Variants in ZNF214 observed in about 807,000 individuals in gnomAD.
ZNF214 encodes the protein zinc finger protein 214, also known as BWSCR2-associated zinc finger protein 1.
Under a neutral mutation model 53.9 loss-of-function variants are expected in ZNF214, and 43 were observed. The observed-to-expected ratio is 0.80, with a 90% CI of 0.63 to 1.03. The LOEUF (loss-of-function observed/expected upper bound fraction) is 1.03, where lower values mean the gene tolerates loss of function less well. Among genes scored for constraint, ZNF214 ranks in the 50% least tolerant of loss-of-function variants. ZNF214 has a pLI of 0.00. For missense variants in ZNF214, 724 were observed against 719.1 expected (o/e 1.01, Z -0.08); for synonymous variants, 217 against 229.5 (o/e 0.95, Z 0.49).
chr11:7,002,293 C>G (rs1294788479), intron 2 of ZNF214, among the ~76,000 whole-genome samples: 1 of 151,910 alleles, frequency 6.6e-6, no homozygotes. Flanking sequence ...CAACCACAAC[C>G]AAATCCTCCA....
rs200575509 is a variant in ZNF214 at position 7,000,045 on chromosome 11, C to G, written c.1638G>C (p.Arg546Ser). The change falls in exon 3 of 3, where the codon AGG (arginine) becomes AGC (serine). Residue 546 changes from arginine (R) to serine (S), a missense_variant. Transcript: ENST00000278314. ...GATAAGGCTTCTCTCCTGTATGGAC[C>G]CTCTGATGAATGTGAAGATTAGAAC... The part of the protein sequence containing the change: ...SHSSNLHIHQ[R>S]VHTGEKPYQC... 1 of 1,612,338 alleles carries G rather than the reference C, an allele frequency of 6.2e-7. No homozygotes were observed. The highest frequency in any genetic ancestry group is 2.2e-5 in the East Asian group (1 of 44,736).
intron 1 of ZNF214, among the ~76,000 whole-genome samples, chr11:7,015,029 C>T (rs1053325399): frequency 2.0e-5 from 3 of 150,286 alleles, no homozygotes; most frequent in Non-Finnish European, 4.4e-5. Flanking sequence ...TAATAAAGTT[C>T]AAATTACATA....
At position 6,997,165 on chromosome 11, in the gene ZNF214, T is replaced by G. The variant is rs1270946268; in HGVS notation, c.*2697A>C. Among the ~76,000 whole-genome samples the G allele has an allele frequency of 6.6e-6, 1 of 151,928 alleles. No individual in the cohort carries two copies. The highest frequency in any genetic ancestry group is 1.5e-5 in the Non-Finnish European group (1 of 67,864). The stretch of plus-strand genomic sequence containing the variant: ...AAACCAGATTTTTTGACAATTACAT[T>G]TCCTGAATATTCCAAGAATTTAGAA... On this transcript the variant is annotated 3_prime_UTR_variant, in exon 3 of 3. Transcript: ENST00000278314.
intron 1 of ZNF214, among the ~76,000 whole-genome samples, chr11:7,005,109 A>G (rs981086493): frequency 6.6e-6 from 1 of 150,884 alleles, no homozygotes; most frequent in Non-Finnish European, 1.5e-5. Context: ...TTTCTATTGT[A>G]ATATTTATAT....
rs1190073308 is a variant in ZNF214, at chr11:7,020,337, A to C, written c.-285T>G. On this transcript the variant is annotated 5_prime_UTR_variant, in exon 1 of 3. Coordinates refer to ENST00000278314, the MANE Select transcript of ZNF214 (RefSeq NM_013249.4). ...AATGGCCGCAGCCCGGCTGGACCGA[A>C]ACGGAAGTCCCAGGTCTTGGAGTAG... 1 of 152,242 alleles carries C rather than the reference A, an allele frequency of 6.6e-6. No individual in the cohort carries two copies. The highest frequency in any genetic ancestry group is 1.5e-5 in the Non-Finnish European group (1 of 68,150). The allele number at this position is 152,242 out of a possible 1,614,324, so 9.4% of individuals were successfully genotyped here. A position where few individuals can be genotyped will look rare whatever the true frequency, so the allele number is the denominator to read the frequency against.
rs1237315623 is a variant in ZNF214 at position 7,001,539 on chromosome 11, G to T, written c.144C>A (p.Ser48Arg). The T allele has an allele frequency of 6.2e-7, 1 of 1,600,720 alleles. No individual in the cohort carries two copies. Among genetic ancestry groups the T allele is most frequent in the Admixed American group, 1.7e-5 (1 of 57,858 alleles). ...NVMSVENWNE[S>R]YKSQEEKFRY... ...TGAATTTTTCTTCTTGGGATTTGTA[G>T]CTCTCATTCCAGTTTTCTAGAAAAA... Residue 48 changes from serine to arginine, a missense_variant, in exon 3 of 3, where the codon AGC becomes AGA. Ser to Arg is a moderately radical substitution (Grantham distance 110, BLOSUM62 -1). Transcript: ENST00000278314.
Position 6,999,960 on chromosome 11 carries a change from C to T in ZNF214, c.1723G>A (p.Val575Ile). The change falls in exon 3 of 3, where the codon GTC (valine) becomes ATC (isoleucine). Residue 575 changes from valine to isoleucine, a missense_variant. Coordinates refer to ENST00000278314, the MANE Select transcript of ZNF214 (RefSeq NM_013249.4). ...HSSALRIHQR[V>I]HAGEKPYKCR... The stretch of plus-strand genomic sequence containing the variant: ...TTGTAAGGTTTCTCTCCTGCATGGA[C>T]TCTTTGATGAATTCGAAGAGCTGAG... The T allele has an allele frequency of 6.2e-7, 1 of 1,613,180 alleles. No individual in the cohort carries two copies. Among genetic ancestry groups the T allele is most frequent in the Non-Finnish European group, 8.5e-7 (1 of 1,179,482 alleles).
intron 1 of ZNF214, among the ~76,000 whole-genome samples, chr11:7,005,432 G>A (rs1490895710): frequency 6.6e-6 from 1 of 151,980 alleles, no homozygotes; most frequent in Non-Finnish European, 1.5e-5. Context: ...CTAAAATTGA[G>A]TTTTAAAATA....
chr11:7,018,495 C>CTTTTTTTTTTTTTTTTTT (rs55641448), intron 1 of ZNF214, among the ~76,000 whole-genome samples: 4 of 61,876 alleles, frequency 6.5e-5, no homozygotes, highest in Non-Finnish European at 8.8e-5. Flanking sequence ...AATGTTAAGA[C>CTTTTTTTTTTTTTTTTTT]TTTTTTTTTT....
chr11:7,008,910 A>C (rs4757982), intron 1 of ZNF214, among the ~76,000 whole-genome samples: 87,298 of 151,548 alleles, frequency 0.58, 26,062 homozygotes, highest in East Asian at 0.74. Flanking sequence ...CAAGAATTAC[A>C]AAGCACTGCT....
intron 1 of ZNF214, chr11:7,019,655 T>G (rs1309644573): frequency 6.6e-6 from 1 of 152,192 alleles, no homozygotes; most frequent in Admixed American, 6.5e-5. Context: ...ACCAAACTTA[T>G]AGATCTCCAA....
At chr11:7,018,637 G>T (rs1416312599) in intron 1 of ZNF214, among the ~76,000 whole-genome samples, 3 of 150,946 alleles carry the variant, frequency 2.0e-5, no homozygotes, top group Non-Finnish European at 4.4e-5. Flanking sequence ...GAGTAGCTGG[G>T]ATTACAGGTG....
Position 6,997,740 on chromosome 11 carries a change from A to T in ZNF214, c.*2122T>A, listed in dbSNP as rs1851220873. On this transcript the variant is annotated 3_prime_UTR_variant, in exon 3 of 3. Transcript: ENST00000278314. ...AACAGAAATGACCAGTTAAATTTGA[A>T]TTTCAAATGTATGAAATTTTAGTGT... Among the ~76,000 whole-genome samples, 1 of 151,858 alleles carries T rather than the reference A, an allele frequency of 6.6e-6. No individual in the cohort carries two copies. The highest frequency in any genetic ancestry group is 1.5e-5 in the Non-Finnish European group (1 of 67,870).
At chr11:7,015,681 CTT>C (rs1432081841) in intron 1 of ZNF214, 6 of 152,138 alleles carry the variant, frequency 3.9e-5, no homozygotes, top group Admixed American at 3.3e-4. Flanking sequence ...TCTAACTAAA[CTT>C]ATCTCTATTT....
intron 1 of ZNF214, among the ~76,000 whole-genome samples, chr11:7,010,637 TA>T (rs34849852): frequency 0.61 from 78,358 of 128,212 alleles, 23,110 homozygotes; most frequent in East Asian, 0.74. Flanking sequence ...CATCCCCCAT[TA>T]AAAAAAAAAA....
intron 1 of ZNF214, among the ~76,000 whole-genome samples, chr11:7,013,913 T>C (rs1288975371): frequency 6.6e-6 from 1 of 152,222 alleles, no homozygotes; most frequent in Non-Finnish European, 1.5e-5. Context: ...AGCCATATGA[T>C]TATTGTAATG....
chr11:7,016,956 T>C (rs1026799067), intron 1 of ZNF214, among the ~76,000 whole-genome samples: 11 of 152,144 alleles, frequency 7.2e-5, no homozygotes, highest in African/African-American at 2.2e-4. Flanking sequence ...TTAAAACTTA[T>C]ATAAACAAGT....
rs1177872791 is a variant in ZNF214 at position 7,000,917 on chromosome 11, A to G, written c.766T>C (p.Phe256Leu). Reference protein sequence around the residue: ...LCQCSICKACFSQRSDLYRHP... With the variant: ...LCQCSICKACLSQRSDLYRHP... Reference sequence around the variant, plus strand: ...CTATACAAGTCTGATCTCTGAGAGAAGCATGCTTTACAGATGGAGCATTGA... The same window carrying G: ...CTATACAAGTCTGATCTCTGAGAGAGGCATGCTTTACAGATGGAGCATTGA... The change falls in exon 3 of 3, where the codon TTC becomes CTC. Residue 256 changes from phenylalanine to leucine, a missense_variant. Coordinates refer to ENST00000278314, the MANE Select transcript of ZNF214 (RefSeq NM_013249.4). 6.2e-7 allele frequency: 1 copy of G among 1,613,268 alleles called. No homozygotes were observed. Among genetic ancestry groups the G allele is most frequent in the Admixed American group, 1.7e-5 (1 of 59,904 alleles).
Position 7,001,236 on chromosome 11 carries a change from G to C in ZNF214, c.447C>G (p.Asp149Glu). Reference sequence around the variant, plus strand: ...CACTCATGTAGATTTCTCTACCATAGTCTTGAGTGGTTTTTGTTTCTAAGG... The same window carrying C: ...CACTCATGTAGATTTCTCTACCATACTCTTGAGTGGTTTTTGTTTCTAAGG... ...WQSLETKTTQ[D>E]YGREIYMSGS... The change falls in exon 3 of 3, where the codon GAC (aspartate) becomes GAG (glutamate). Residue 149 changes from aspartate (D) to glutamate (E), a missense_variant. By Grantham distance (45) the Asp-to-Glu change is conservative. Coordinates refer to ENST00000278314, the MANE Select transcript of ZNF214 (RefSeq NM_013249.4). 1 of 1,613,232 alleles carries C rather than the reference G, an allele frequency of 6.2e-7. No homozygotes were observed. The highest frequency in any genetic ancestry group is 8.5e-7 in the Non-Finnish European group (1 of 1,179,508).
Sources: gnomAD v4.1 joint callset for allele counts (sites outside exome capture counted in the v4.1 genomes callset) on GRCh38, gnomAD v4.1.1 for gene constraint, MANE v1.5 for transcripts, NCBI Gene and HGNC (gene_info 2026-07-23, HGNC 2026-07-21) for gene names.